Variants in LRRIQ1 observed in about 807,000 individuals in gnomAD.
LRRIQ1 encodes the protein leucine rich repeats and IQ motif containing 1.
A neutral mutation model predicts 211.9 loss-of-function variants in LRRIQ1; 210 were observed. The observed-to-expected ratio is 0.99, with a 90% CI of 0.89 to 1.11. LRRIQ1 has a LOEUF of 1.11. Ranked by LOEUF, LRRIQ1 falls within the 50% of genes most tolerant of loss-of-function variation. The pLI, the probability that LRRIQ1 is intolerant of heterozygous loss-of-function variation, is 0.00. For synonymous variants in LRRIQ1, 699 were observed against 650.1 expected (o/e 1.08, Z -1.14); for missense variants, 2,136 against 1,939.5 (o/e 1.10, Z -1.90).
chr12:85,201,854 C>G (rs1195233622), intron 24 of LRRIQ1, among the ~76,000 whole-genome samples: 5 of 151,956 alleles, frequency 3.3e-5, no homozygotes, highest in South Asian at 2.1e-4. Flanking sequence ...TCTTGTTTCT[C>G]TAGTTCCTCT....
chr12:85,127,087 C>G (rs1888420593), intron 17 of LRRIQ1, among the ~76,000 whole-genome samples: 1 of 152,140 alleles, frequency 6.6e-6, no homozygotes. Flanking sequence ...TGTAATATTC[C>G]TCTAATAATC....
At chr12:85,198,427 C>A (rs1054510055) in intron 24 of LRRIQ1, among the ~76,000 whole-genome samples, 4 of 151,766 alleles carry the variant, frequency 2.6e-5, no homozygotes, top group Non-Finnish European at 5.9e-5. Context: ...TCCCCACCAG[C>A]AGTGTATATG....
At chr12:85,265,373 G>A (rs1276046375), downstream of LRRIQ1, among the ~76,000 whole-genome samples, 1 of 151,812 alleles carries the variant, frequency 6.6e-6, no homozygotes, top group Non-Finnish European at 1.5e-5. Flanking sequence ...TTTAATTTAG[G>A]GGAAGAAGAC....
chr12:85,126,371 C>T (rs1209093612), intron 17 of LRRIQ1, among the ~76,000 whole-genome samples: 1 of 141,764 alleles, frequency 7.1e-6, no homozygotes, highest in Non-Finnish European at 1.5e-5. Context: ...TGTGTTTTCC[C>T]ATAAGCCTTT....
chr12:85,073,799 TG>T (rs1555201855), intron 11 of LRRIQ1, among the ~76,000 whole-genome samples: 13 of 152,152 alleles, frequency 8.5e-5, no homozygotes, highest in Non-Finnish European at 1.0e-4. Flanking sequence ...GAAGAGCAGT[TG>T]GAGTCTGTTT....
At chr12:85,103,579 T>C (rs10082854) in intron 13 of LRRIQ1, among the ~76,000 whole-genome samples, 8,671 of 151,798 alleles carry the variant, frequency 0.057, 836 homozygotes, top group African/African-American at 0.2. Flanking sequence ...TTAAAAGTTT[T>C]GGTTATGTGT....
chr12:85,070,609 T>TTC (rs760138485), intron 10 of LRRIQ1, among the ~76,000 whole-genome samples: 5 of 151,626 alleles, frequency 3.3e-5, no homozygotes, highest in African/African-American at 1.2e-4. Flanking sequence ...TGTTCTACCT[T>TTC]TCTCTCTCTC....
chr12:85,177,063 C>T (rs1891743737), intron 24 of LRRIQ1, among the ~76,000 whole-genome samples: 1 of 152,200 alleles, frequency 6.6e-6, no homozygotes, highest in South Asian at 2.1e-4. Flanking sequence ...TGATTTTCCT[C>T]ATCAATTAAT....
At chr12:85,209,805 A>C (rs866135842) in intron 24 of LRRIQ1, among the ~76,000 whole-genome samples, 1 of 152,140 alleles carries the variant, frequency 6.6e-6, no homozygotes. Flanking sequence ...CACAACATCC[A>C]TGAAAAAAAA....
At chr12:85,163,895 A>T (rs1891023032) in intron 24 of LRRIQ1, among the ~76,000 whole-genome samples, 1 of 152,106 alleles carries the variant, frequency 6.6e-6, no homozygotes, top group Non-Finnish European at 1.5e-5. Flanking sequence ...TCTTTAACTT[A>T]ATCAAGTCTG....
chr12:85,116,135 G>C (rs961392503), intron 15 of LRRIQ1, among the ~76,000 whole-genome samples: 3 of 152,084 alleles, frequency 2.0e-5, no homozygotes, highest in Non-Finnish European at 4.4e-5. Context: ...TTCTTTTTTT[G>C]TTGTTGTTTG....
Position 85,056,461 on chromosome 12 carries a change from A to G in LRRIQ1, c.1668A>G (p.Ile556Met), listed in dbSNP as rs775806439. Residue 556 changes from isoleucine to methionine, a missense_variant, in exon 8 of 27, where the codon ATA (isoleucine) becomes ATG (methionine). Coordinates refer to ENST00000393217, the MANE Select transcript of LRRIQ1 (RefSeq NM_001079910.2). Reference protein sequence around the residue: ...NENTGQKTQIILGHNQEISEV... With the variant: ...NENTGQKTQIMLGHNQEISEV... ...ATACAGGACAAAAAACCCAGATAATATTAGGACATAACCAAGAAATCAGTG... is the reference window on the plus strand; with the variant it reads ...ATACAGGACAAAAAACCCAGATAATGTTAGGACATAACCAAGAAATCAGTG... 1 of 1,608,468 alleles carries G rather than the reference A, an allele frequency of 6.2e-7. No individual in the cohort carries two copies. The highest frequency in any genetic ancestry group is 8.5e-7 in the Non-Finnish European group (1 of 1,178,360).
chr12:85,221,373 C>T (rs1894396118), intron 24 of LRRIQ1, among the ~76,000 whole-genome samples: 1 of 151,974 alleles, frequency 6.6e-6, no homozygotes, highest in Non-Finnish European at 1.5e-5. Context: ...TACTATGTAC[C>T]ACTTAAGGAG....
At chr12:85,075,641 T>C (rs1474377390) in intron 11 of LRRIQ1, among the ~76,000 whole-genome samples, 1 of 151,790 alleles carries the variant, frequency 6.6e-6, no homozygotes. Context: ...TCCAAACACC[T>C]CCCAGCAGGC....
Position 85,057,184 on chromosome 12 carries a change from G to T in LRRIQ1, c.2391G>T (p.Gln797His). 2 of 1,386,904 alleles carry T rather than the reference G, an allele frequency of 1.4e-6. No individual in the cohort carries two copies. The highest frequency in any genetic ancestry group is 1.9e-6 in the Non-Finnish European group (2 of 1,051,082). The allele number at this position is 1,386,904 out of a possible 1,614,324, so 85.9% of individuals were successfully genotyped here. A position where few individuals can be genotyped will look rare whatever the true frequency, so the allele number is the denominator to read the frequency against. ...LRCGPWDTLQ[Q>H]VTTVTFQDLP... is the part of the protein sequence containing the mutation. ...GTGGCCCTTGGGATACTTTACAGCA[G>T]GTATTTCTAATTTTATAATAATTTT... The change falls in exon 8 of 27, where the codon CAG becomes CAT. Residue 797 changes from glutamine (Q) to histidine (H), a missense_variant and splice_region_variant. Transcript: ENST00000393217.
intron 24 of LRRIQ1, among the ~76,000 whole-genome samples, chr12:85,181,029 A>G (rs1005519686): frequency 3.3e-5 from 5 of 151,870 alleles, no homozygotes; most frequent in Admixed American, 1.3e-4. Flanking sequence ...AAGCAGGTTT[A>G]ATCCACATGT....
chr12:85,214,764 A>G (rs1263361573), intron 24 of LRRIQ1, among the ~76,000 whole-genome samples: 3 of 152,272 alleles, frequency 2.0e-5, no homozygotes, highest in Non-Finnish European at 4.4e-5. Context: ...AGAAGATAAT[A>G]TGGAAGAATA....
At chr12:85,101,624 G>A (rs1886350776) in intron 13 of LRRIQ1, among the ~76,000 whole-genome samples, 2 of 151,734 alleles carry the variant, frequency 1.3e-5, no homozygotes, top group African/African-American at 2.4e-5. Context: ...AAAAGGAAAA[G>A]TTCTAGAGGT....
At chr12:85,210,984 T>C (rs191999639) in intron 24 of LRRIQ1, among the ~76,000 whole-genome samples, 1 of 152,342 alleles carries the variant, frequency 6.6e-6, no homozygotes, top group African/African-American at 2.4e-5. Context: ...GTGCATGGTG[T>C]CTACCTGAAC....
Sources: gnomAD v4.1 joint callset for allele counts (sites outside exome capture counted in the v4.1 genomes callset) on GRCh38, gnomAD v4.1.1 for gene constraint, MANE v1.5 for transcripts, NCBI Gene and HGNC (gene_info 2026-07-23, HGNC 2026-07-21) for gene names.